The following GUF1 variants were observed in gnomAD, a reference collection of about 807,000 sequenced individuals.
GUF1 encodes the protein translation factor GUF1, mitochondrial.
Under a neutral mutation model 82.4 loss-of-function variants are expected in GUF1, and 78 were observed. That is an observed-to-expected ratio of 0.95 (90% confidence interval 0.79 to 1.14). The LOEUF (loss-of-function observed/expected upper bound fraction) is 1.14. Among genes scored for constraint, GUF1 ranks in the 50% most tolerant of loss-of-function variants. The pLI, the probability that GUF1 is intolerant of heterozygous loss-of-function variation, is 0.00. For missense variants in GUF1, 814 were observed against 798.2 expected (o/e 1.02, Z -0.24); for synonymous variants, 279 against 282.3 (o/e 0.99, Z 0.12).
chr4:44,693,411 G>T (rs1715569890), intron 13 of GUF1, among the ~76,000 whole-genome samples: 1 of 151,958 alleles, frequency 6.6e-6, no homozygotes, highest in African/African-American at 2.4e-5. Context: ...CAAAGTTAAG[G>T]ACCATGTCTG....
intron 15 of GUF1, 56 bp from the exon 16 acceptor site, chr4:44,697,352 T>A: frequency 9.8e-7 from 1 of 1,024,840 alleles, no homozygotes; most frequent in Middle Eastern, 2.1e-4. Flanking sequence ...GGTAAGGAAG[T>A]GCTTTTAAAC....
In GUF1 at chr4:44,690,832, A is replaced by G. The variant is rs746964876; in HGVS notation, c.1451A>G (p.Tyr484Cys). 2.5e-6 allele frequency: 4 copies of G among 1,596,036 alleles called. No homozygotes were observed. In the South Asian group the frequency reaches 4.6e-5, roughly 18 times the overall value. Reference protein sequence around the residue: ...VLGTIITPDEYTGKIMMLCEA... With the variant: ...VLGTIITPDECTGKIMMLCEA... Reference sequence around the variant, plus strand: ...GGCACTATTATCACACCAGATGAATACACTGGAAAAATAATGATGCTTTGC... The same window carrying G: ...GGCACTATTATCACACCAGATGAATGCACTGGAAAAATAATGATGCTTTGC... Residue 484 changes from tyrosine to cysteine, a missense_variant, in exon 12 of 17, where the codon TAC becomes TGC. By Grantham distance (194) the Tyr-to-Cys change is radical (BLOSUM62 -2). Coordinates refer to ENST00000281543, the MANE Select transcript of GUF1 (RefSeq NM_021927.3).
In GUF1 at chr4:44,695,612, C is replaced by G; in HGVS notation, c.1716-3C>G. 1 of 1,604,390 alleles carries G rather than the reference C, an allele frequency of 6.2e-7. No individual in the cohort carries two copies. Among genetic ancestry groups the G allele is most frequent in the Non-Finnish European group, 8.5e-7 (1 of 1,176,526 alleles). On this transcript the variant is annotated splice_region_variant and splice_polypyrimidine_tract_variant and intron_variant, in intron 14 of 16. Coordinates refer to ENST00000281543, the MANE Select transcript of GUF1 (RefSeq NM_021927.3). ...TATAAACAGTTGTATTTTTCTGTCT[C>G]AGAGACAAAGCTCATTCAATTGGCA...
chr4:44,694,659 C>T (rs1360101008), intron 14 of GUF1, 146 bp downstream of exon 14: 4 of 592,226 alleles, frequency 6.8e-6, no homozygotes, highest in Non-Finnish European at 1.2e-5. Flanking sequence ...TCTTTTTTTT[C>T]CACACTTCTC....
At chr4:44,692,004 TGA>T (rs1560346951) in intron 13 of GUF1, among the ~76,000 whole-genome samples, 1 of 151,824 alleles carries the variant, frequency 6.6e-6, no homozygotes, top group Non-Finnish European at 1.5e-5. Context: ...AAGTTTCCTT[TGA>T]TTTATTATCT....
rs1560345566 is a variant in GUF1, at chr4:44,689,988, T to C, written c.1335+13T>C. 6.4e-7 allele frequency: 1 copy of C among 1,554,882 alleles called. No individual in the cohort carries two copies. Among genetic ancestry groups the C allele is most frequent in the Non-Finnish European group, 8.7e-7 (1 of 1,143,460 alleles). On this transcript the variant is annotated intron_variant, in intron 11 of 16. Coordinates refer to ENST00000281543, the MANE Select transcript of GUF1 (RefSeq NM_021927.3). The stretch of plus-strand genomic sequence containing the variant: ...AAAATTGATAAAGGTACTTGGTATT[T>C]AGTACTGGTATTTAGTACTGTTTTG...
At position 44,688,056 on chromosome 4, in the gene GUF1, G is replaced by A; in HGVS notation, c.988G>A (p.Glu330Lys). The change falls in exon 9 of 17, where the codon GAA becomes AAA. Residue 330 changes from glutamate to lysine, a missense_variant. Glu to Lys is a moderately conservative substitution (Grantham distance 56). Coordinates refer to ENST00000281543, the MANE Select transcript of GUF1 (RefSeq NM_021927.3). ...GATTGCTGGGATGAAAGATGTCACT[G>A]AAGCGCAAATAGGAGATACATTATG... is the stretch of plus-strand genomic sequence containing the variant. ...YLIAGMKDVT[E>K]AQIGDTLCLH... 1 of 1,612,402 alleles carries A rather than the reference G, an allele frequency of 6.2e-7. No individual in the cohort carries two copies. Among genetic ancestry groups the A allele is most frequent in the South Asian group, 1.1e-5 (1 of 91,026 alleles).
Position 44,682,391 on chromosome 4 carries a change from G to A in GUF1, c.565G>A (p.Val189Ile), listed in dbSNP as rs1213801753. The change falls in exon 5 of 17, where the codon GTA becomes ATA. Residue 189 changes from valine to isoleucine, a missense_variant. Val to Ile is a conservative substitution (Grantham distance 29). Coordinates refer to ENST00000281543, the MANE Select transcript of GUF1 (RefSeq NM_021927.3). ...FFLAFEAQLS[V>I]IPVINKIDLK... ...TCTTGCCTTCGAAGCACAGCTATCG[G>A]TAATTCCAGTTATAAATAAGGTAAT... 6.6e-7 allele frequency: 1 copy of A among 1,526,170 alleles called. No individual in the cohort carries two copies. The highest frequency in any genetic ancestry group is 1.3e-5 in the South Asian group (1 of 77,158). The allele number at this position is 1,526,170 out of a possible 1,614,324, so 94.5% of individuals were successfully genotyped here.
At chr4:44,690,068 T>C (rs1715337493) in intron 11 of GUF1, 93 bp downstream of exon 11, 1 of 861,088 alleles carries the variant, frequency 1.2e-6, no homozygotes, top group African/African-American at 1.7e-5. Context: ...GAGAAGCTTT[T>C]TACTATACCA....
intron 13 of GUF1, chr4:44,693,850 A>G (rs1250406374): frequency 6.5e-6 from 1 of 152,686 alleles, no homozygotes; most frequent in Non-Finnish European, 1.5e-5. Context: ...AACACTTATT[A>G]TGTACTAGGC....
intron 10 of GUF1, 81 bp downstream of exon 10, chr4:44,689,490 GT>G: frequency 2.9e-6 from 4 of 1,380,002 alleles, no homozygotes; most frequent in Non-Finnish European, 3.8e-6. Context: ...GGAAAGGGAG[GT>G]TTTTAAAAAA....
chr4:44,680,719 T>C lies in GUF1; in HGVS notation c.303T>C (p.Asn101=). 6.2e-7 allele frequency: 1 copy of C among 1,606,416 alleles called. No homozygotes were observed. Among genetic ancestry groups the C allele is most frequent in the Non-Finnish European group, 8.5e-7 (1 of 1,174,848 alleles). ...GGACAATTGATAAAACAAAGAATAATAAGCAGGTTCTTGATAAATTGCAAG... is the reference window on the plus strand; with the variant it reads ...GGACAATTGATAAAACAAAGAATAACAAGCAGGTTCTTGATAAATTGCAAG... ...LTGTIDKTKN[N]KQVLDKLQVE... The change falls in exon 3 of 17, where the codon AAT becomes AAC. Residue 101 remains asparagine, a synonymous_variant. Transcript: ENST00000281543.
intron 6 of GUF1, among the ~76,000 whole-genome samples, chr4:44,684,724 C>A (rs1040904558): frequency 2.6e-5 from 4 of 152,060 alleles, no homozygotes; most frequent in Non-Finnish European, 5.9e-5. Flanking sequence ...CTAAACTGAG[C>A]ACTGTCTACA....
rs1714722452 is a variant in GUF1, at chr4:44,680,757, G to A, written c.341G>A (p.Arg114Lys). The A allele has an allele frequency of 1.2e-6, 2 of 1,611,732 alleles. No homozygotes were observed. The highest frequency in any genetic ancestry group is 2.2e-5 in the South Asian group (2 of 90,906). ...GATAAATTGCAAGTGGAACGAGAAA[G>A]AGGAATCACTGTTAAAGCACAGACA... ...VLDKLQVERE[R>K]GITVKAQTAS... The change falls in exon 3 of 17, where the codon AGA (arginine) becomes AAA (lysine). Residue 114 changes from arginine (R) to lysine (K), a missense_variant. By Grantham distance (26) the Arg-to-Lys change is conservative. Coordinates refer to ENST00000281543, the MANE Select transcript of GUF1 (RefSeq NM_021927.3).
intron 1 of GUF1, 68 bp downstream of exon 1, chr4:44,678,855 C>T: frequency 2.8e-6 from 4 of 1,448,502 alleles, no homozygotes; most frequent in Non-Finnish European, 3.7e-6. Context: ...CGATCTTGGA[C>T]ATGTATAGGG....
At position 44,689,830 on chromosome 4, in the gene GUF1, T is replaced by A. The variant is rs762743297; in HGVS notation, c.1203-13T>A. The stretch of plus-strand genomic sequence containing the variant: ...GACATAAACATTTTGGAGTTTGTCT[T>A]TTCCTCCCCCAGGCTAGGATTTCTT... On this transcript the variant is annotated splice_polypyrimidine_tract_variant and intron_variant, in intron 10 of 16. Transcript: ENST00000281543. The A allele has an allele frequency of 5.0e-6, 8 of 1,592,314 alleles. No homozygotes were observed. The highest frequency in any genetic ancestry group is 6.9e-6 in the Non-Finnish European group (8 of 1,166,834).
rs1004505985 is a variant in GUF1 at position 44,678,697 on chromosome 4, G to A, written c.75G>A (p.Leu25=). 2 of 1,506,198 alleles carry A rather than the reference G, an allele frequency of 1.3e-6. No individual in the cohort carries two copies. Among genetic ancestry groups the A allele is most frequent in the Non-Finnish European group, 1.8e-6 (2 of 1,141,348 alleles). 93.3% of individuals were successfully genotyped at this position (1,506,198 alleles called of 1,614,324 possible). ...CACGAGCCACTGGGGCCGCGCTTCTGGTGGCCCCGGGGCCCCGGTCCGCGC... is the reference window on the plus strand; with the variant it reads ...CACGAGCCACTGGGGCCGCGCTTCTAGTGGCCCCGGGGCCCCGGTCCGCGC... ...LAPRATGAAL[L]VAPGPRSAPT... Residue 25 remains leucine (L), a synonymous_variant, in exon 1 of 17, where the codon CTG becomes CTA. Coordinates refer to ENST00000281543, the MANE Select transcript of GUF1 (RefSeq NM_021927.3).
chr4:44,697,493 A>T, intron 16 of GUF1, 49 bp downstream of exon 16: 1 of 951,628 alleles, frequency 1.1e-6, no homozygotes, highest in Non-Finnish European at 1.6e-6. Flanking sequence ...TATGGGCTTT[A>T]AATCAAAGGG....
chr4:44,691,519 C>A lies in GUF1; in HGVS notation c.1480-147C>A, dbSNP rs561702891. 3.8e-5 allele frequency: 21 copies of A among 548,200 alleles called. No homozygotes were observed. In the East Asian group the frequency reaches 6.2e-4, roughly 16 times the overall value. 34.0% of individuals were successfully genotyped at this position (548,200 alleles called of 1,614,324 possible). ...AGATAAAGATTAAAAGCTTTGGTAG[C>A]AAGCCTAATGCAATTGAAATATAAA... On this transcript the variant is annotated intron_variant, in intron 12 of 16. Coordinates refer to ENST00000281543, the MANE Select transcript of GUF1 (RefSeq NM_021927.3).
Sources: gnomAD v4.1 joint callset for allele counts (sites outside exome capture counted in the v4.1 genomes callset) on GRCh38, gnomAD v4.1.1 for gene constraint, MANE v1.5 for transcripts, NCBI Gene and HGNC (gene_info 2026-07-23, HGNC 2026-07-21) for gene names.